PRR33: variants seen among roughly 807,000 people sequenced by gnomAD.
The protein encoded by PRR33 is proline rich 33.
A neutral mutation model predicts 0.5 loss-of-function variants in PRR33; 1 was observed. The ratio of observed to expected loss-of-function variants is 2.18; its 90% CI spans 0.77 to 10.34. The LOEUF is 10.34. Among genes scored for constraint, PRR33 ranks in the 30% most tolerant of loss-of-function variants. The pLI, the probability that PRR33 is intolerant of heterozygous loss-of-function variation, is 0.13. For synonymous variants in PRR33, 226 were observed against 110.0 expected (o/e 2.06, Z -6.60); for missense variants, 552 against 251.8 (o/e 2.19, Z -8.07).
chr11:1,894,224 A>AGTGTGTGTGT (rs71025790), upstream of PRR33, among the ~76,000 whole-genome samples: 1,693 of 127,718 alleles, frequency 0.013, 29 homozygotes, highest in Non-Finnish European at 0.018. Context: ...GGAGTGTGGG[A>AGTGTGTGTGT]GTGTGTGTGT....
chr11:1,895,290 G>A (rs1379518081), upstream of PRR33, among the ~76,000 whole-genome samples: 6 of 152,004 alleles, frequency 3.9e-5, no homozygotes, highest in East Asian at 1.9e-4. Context: ...TTGCCACCAC[G>A]CCGGGCTAAT....
At chr11:1,894,443 C>T (rs992075616), upstream of PRR33, among the ~76,000 whole-genome samples, 6 of 152,244 alleles carry the variant, frequency 3.9e-5, no homozygotes, top group South Asian at 1.2e-3. Flanking sequence ...GCTATGTTGC[C>T]CAGGCTGGCT....
At chr11:1,910,139 G>A in the PRR33 span, among the ~76,000 whole-genome samples, 1 of 152,240 alleles carries the variant, frequency 6.6e-6, no homozygotes, top group African/African-American at 2.4e-5. Flanking sequence ...TGGTGAATGT[G>A]TGGAGGTTTT....
chr11:1,893,429 C>A (rs1316707098), upstream of PRR33, among the ~76,000 whole-genome samples: 2 of 134,460 alleles, frequency 1.5e-5, no homozygotes, highest in African/African-American at 2.8e-5. Context: ...GGGAGGATGG[C>A]TGGCTGGCTG....
chr11:1,889,445 T>G, exon 1 of PRR33: 1 of 647,824 alleles, frequency 1.5e-6, no homozygotes, highest in Non-Finnish European at 2.9e-6. Flanking sequence ...CCTCCTGCTC[T>G]GTGGGGGCAG....
the PRR33 span, chr11:1,902,723 G>C: frequency 6.6e-6 from 1 of 152,148 alleles, no homozygotes; most frequent in Non-Finnish European, 1.5e-5. Context: ...AAAGAATTCA[G>C]GGTGAGTCCA....
At chr11:1,902,056 T>C in the PRR33 span, among the ~76,000 whole-genome samples, 1 of 151,858 alleles carries the variant, frequency 6.6e-6, no homozygotes, top group Non-Finnish European at 1.5e-5. Context: ...CATGGTGAGA[T>C]CCCGTCTCTA....
At chr11:1,914,931 T>C in the PRR33 span, among the ~76,000 whole-genome samples, 1 of 149,022 alleles carries the variant, frequency 6.7e-6, no homozygotes, top group Non-Finnish European at 1.5e-5. Context: ...TCTGTGTGTG[T>C]GTTGTGAGGT....
the PRR33 span, among the ~76,000 whole-genome samples, chr11:1,907,346 C>G: frequency 1.3e-5 from 2 of 152,214 alleles, no homozygotes; most frequent in Non-Finnish European, 2.9e-5. Context: ...CATGTTTCCA[C>G]TGTTCTAAAG....
At chr11:1,904,944 G>A in the PRR33 span, among the ~76,000 whole-genome samples, 1 of 152,030 alleles carries the variant, frequency 6.6e-6, no homozygotes, top group Admixed American at 6.5e-5. Context: ...CAGGATTACT[G>A]ATATTCTTAA....
chr11:1,914,959 T>A, the PRR33 span, among the ~76,000 whole-genome samples: 2 of 150,058 alleles, frequency 1.3e-5, no homozygotes. Flanking sequence ...CTGGGGATGA[T>A]GTTTGTGTAT....
chr11:1,906,459 T>C, the PRR33 span, among the ~76,000 whole-genome samples: 2 of 152,190 alleles, frequency 1.3e-5, no homozygotes, highest in African/African-American at 2.4e-5. Flanking sequence ...TTTGTCTTTT[T>C]GATAATTTTT....
chr11:1,897,072 A>T, the PRR33 span, among the ~76,000 whole-genome samples: 1 of 152,206 alleles, frequency 6.6e-6, no homozygotes, highest in African/African-American at 2.4e-5. The surrounding 1 kb of genome is among the most constrained non-coding windows in gnomAD (Gnocchi z 4.0). Context: ...AAACCGCCAG[A>T]GGGGCTGCAG....
the PRR33 span, among the ~76,000 whole-genome samples, chr11:1,910,051 GCT>G: frequency 5.0e-4 from 76 of 152,324 alleles, no homozygotes; most frequent in African/African-American, 1.8e-3. Flanking sequence ...GCCATTGGTG[GCT>G]CACAGCCGCA....
the PRR33 span, among the ~76,000 whole-genome samples, chr11:1,900,126 C>T: frequency 2.0e-5 from 3 of 151,930 alleles, no homozygotes; most frequent in African/African-American, 7.3e-5. Flanking sequence ...ATAGTGGAAG[C>T]TTCAAGGACA....
chr11:1,910,495 A>G, the PRR33 span, among the ~76,000 whole-genome samples: 2 of 152,134 alleles, frequency 1.3e-5, no homozygotes, highest in Admixed American at 6.5e-5. Context: ...TGATCCAGCC[A>G]CCTCGGCCTT....
chr11:1,915,531 C>CTG, the PRR33 span, among the ~76,000 whole-genome samples: 12,890 of 74,064 alleles, frequency 0.17, 1,361 homozygotes, highest in Middle Eastern at 0.22. Context: ...TGGGATGTTT[C>CTG]TGTGTGTGTG....
At chr11:1,904,942 C>T in the PRR33 span, among the ~76,000 whole-genome samples, 1 of 151,970 alleles carries the variant, frequency 6.6e-6, no homozygotes, top group African/African-American at 2.4e-5. Flanking sequence ...ATCAGGATTA[C>T]TGATATTCTT....
At chr11:1,898,287 C>T in the PRR33 span, among the ~76,000 whole-genome samples, 1 of 151,382 alleles carries the variant, frequency 6.6e-6, no homozygotes, top group Non-Finnish European at 1.5e-5. Flanking sequence ...TGGAGTGCAG[C>T]GGCGCCAGCC....
Sources: allele counts gnomAD v4.1 joint callset (sites outside exome capture counted in the v4.1 genomes callset), GRCh38; gene constraint gnomAD v4.1.1; non-coding constraint Gnocchi (gnomAD v3.1); transcripts MANE v1.5; gene names NCBI Gene and HGNC (gene_info 2026-07-23, HGNC 2026-07-21).